The following ALDH1A2 variants were observed in gnomAD, a reference collection of about 807,000 sequenced individuals.
ALDH1A2 encodes the protein retinal dehydrogenase 2.
In ALDH1A2, 27 loss-of-function variants were observed where a neutral mutation model predicts 60.3. That is an observed-to-expected ratio of 0.45 (90% CI 0.33 to 0.62). The LOEUF (loss-of-function observed/expected upper bound fraction) is 0.62. Ranked by LOEUF, ALDH1A2 falls within the 20% of genes least tolerant of loss-of-function variation. ALDH1A2 has a pLI of 0.02. For missense variants in ALDH1A2, 581 were observed against 643.8 expected (o/e 0.90, Z 1.06); for synonymous variants, 289 against 232.4 (o/e 1.24, Z -2.21).
chr15:58,052,771 T>C (rs1896807334), intron 1 of ALDH1A2, among the ~76,000 whole-genome samples: 1 of 152,158 alleles, frequency 6.6e-6, no homozygotes, highest in South Asian at 2.1e-4. Flanking sequence ...TAATGCCCTG[T>C]CCAGTGCCTT....
intron 1 of ALDH1A2, among the ~76,000 whole-genome samples, chr15:58,045,349 A>T (rs1896612529): frequency 6.6e-6 from 1 of 152,086 alleles, no homozygotes; most frequent in African/African-American, 2.4e-5. Flanking sequence ...CTCCTCAAGG[A>T]TCTAGAACTA....
intron 1 of ALDH1A2, among the ~76,000 whole-genome samples, chr15:58,014,805 T>C (rs1309710598): frequency 6.6e-6 from 1 of 152,214 alleles, no homozygotes; most frequent in African/African-American, 2.4e-5. Context: ...AAGTTATATG[T>C]GTAAATCCAA....
At chr15:58,012,987 T>C (rs1895677644) in intron 3 of ALDH1A2, among the ~76,000 whole-genome samples, 1 of 152,224 alleles carries the variant, frequency 6.6e-6, no homozygotes, top group Admixed American at 6.5e-5. Context: ...AAAAAGTTTA[T>C]ATTCTCTAAG....
chr15:58,060,441 C>T (rs1896996551), intron 1 of ALDH1A2, among the ~76,000 whole-genome samples: 1 of 146,472 alleles, frequency 6.8e-6, no homozygotes, highest in African/African-American at 2.5e-5. Context: ...AGTGAAGAAA[C>T]TCTTTAAGAT....
At chr15:57,956,140 C>G (rs1255304072) in intron 12 of ALDH1A2, among the ~76,000 whole-genome samples, 1 of 151,996 alleles carries the variant, frequency 6.6e-6, no homozygotes, top group Non-Finnish European at 1.5e-5. Flanking sequence ...TTGCCTTCCA[C>G]CAAACATAGG....
At chr15:58,050,621 C>T (rs1896750861) in intron 1 of ALDH1A2, among the ~76,000 whole-genome samples, 1 of 152,128 alleles carries the variant, frequency 6.6e-6, no homozygotes, top group Non-Finnish European at 1.5e-5. Flanking sequence ...TAGACTTGCT[C>T]CCTGCACAGG....
chr15:58,048,618 G>C (rs533424665), intron 1 of ALDH1A2, among the ~76,000 whole-genome samples: 3 of 151,924 alleles, frequency 2.0e-5, no homozygotes, highest in Admixed American at 6.6e-5. Context: ...CAGATTAAAG[G>C]GTCCAGGGGA....
At chr15:57,985,192 C>T (rs529123233) in intron 7 of ALDH1A2, among the ~76,000 whole-genome samples, 2 of 152,292 alleles carry the variant, frequency 1.3e-5, no homozygotes, top group African/African-American at 4.8e-5. Flanking sequence ...TGACTCCCAA[C>T]GTTTCTCCCC....
intron 7 of ALDH1A2, among the ~76,000 whole-genome samples, chr15:57,978,965 G>A (rs1195225198): frequency 5.3e-5 from 8 of 152,180 alleles, no homozygotes; most frequent in Admixed American, 2.6e-4. Flanking sequence ...GAGCTCAGGA[G>A]GTGGAGGTGC....
chr15:57,970,719 G>A lies in ALDH1A2; in HGVS notation c.799-4892C>T, dbSNP rs34787844. Among the ~76,000 whole-genome samples the A allele has an allele frequency of 6.6e-3, 999 of 152,074 alleles. 13 individuals are homozygous for A. The highest frequency in any genetic ancestry group is 0.023 in the African/African-American group (946 of 41,484). On this transcript the variant is annotated intron_variant, in intron 7 of 12. Transcript: ENST00000249750. ...CATATCAAGGTAGATTTTTCTCAGC[G>A]ATATAACACCTTTTTAAAAATGGAA...
At chr15:58,057,565 T>C (rs1383063973) in intron 1 of ALDH1A2, among the ~76,000 whole-genome samples, 1 of 152,208 alleles carries the variant, frequency 6.6e-6, no homozygotes, top group African/African-American at 2.4e-5. Context: ...ACTGCTTTAC[T>C]TTTCTGTATG....
In ALDH1A2 at chr15:57,982,965, A is replaced by G. The variant is rs527988408; in HGVS notation, c.798+9740T>C. On this transcript the variant is annotated intron_variant, in intron 7 of 12. Coordinates refer to ENST00000249750, the MANE Select transcript of ALDH1A2 (RefSeq NM_003888.4). ...TCAGACACACACTACCCTTCTCAAC[A>G]TGTCCCATCTGGTATGATTTAGGTT... 1.2e-4 allele frequency among the ~76,000 whole-genome samples: 18 copies of G among 152,146 alleles called. 1 individual carries two copies. In the Middle Eastern group the frequency reaches 0.01, roughly 86 times the overall value.
chr15:57,965,013 GAA>G (rs4646621), intron 8 of ALDH1A2, among the ~76,000 whole-genome samples: 1 of 143,756 alleles, frequency 7.0e-6, no homozygotes, highest in Non-Finnish European at 1.5e-5. Context: ...CAAGTGGAGG[GAA>G]AAAAAAAAAA....
chr15:58,061,610 C>CAAAAAAAAAAAAAAAAAA (rs1216992550), intron 1 of ALDH1A2, among the ~76,000 whole-genome samples: 1 of 100,330 alleles, frequency 1.0e-5, no homozygotes, highest in Non-Finnish European at 2.1e-5. Context: ...AAAAAAAAAA[C>CAAAAAAAAAAAAAAAAAA]AAAAAAAAAA....
At chr15:58,051,060 A>T (rs568850281) in intron 1 of ALDH1A2, among the ~76,000 whole-genome samples, 2 of 152,186 alleles carry the variant, frequency 1.3e-5, no homozygotes, top group African/African-American at 4.8e-5. Flanking sequence ...ATCTGTTGAT[A>T]TAAGTAGTTA....
intron 1 of ALDH1A2, among the ~76,000 whole-genome samples, chr15:58,062,440 G>A (rs1206667501): frequency 6.6e-6 from 1 of 152,184 alleles, no homozygotes; most frequent in South Asian, 2.1e-4. Flanking sequence ...CTGCAGTCAG[G>A]GGCGGTCAGT....
chr15:57,975,261 A>G (rs958335591), intron 7 of ALDH1A2, among the ~76,000 whole-genome samples: 1 of 152,236 alleles, frequency 6.6e-6, no homozygotes, highest in Non-Finnish European at 1.5e-5. Flanking sequence ...ATGTTCATAG[A>G]AGCTTTTATT....
At chr15:58,048,998 A>G (rs1896707209) in intron 1 of ALDH1A2, among the ~76,000 whole-genome samples, 1 of 151,724 alleles carries the variant, frequency 6.6e-6, no homozygotes, top group African/African-American at 2.4e-5. Context: ...CTCACATTCC[A>G]AACAACCACT....
chr15:57,969,043 C>T (rs1893981953), intron 7 of ALDH1A2, among the ~76,000 whole-genome samples: 3 of 152,230 alleles, frequency 2.0e-5, no homozygotes. Flanking sequence ...CTTTCCCCTT[C>T]ATCTTTGGAA....
Sources: gnomAD v4.1 joint callset for allele counts (sites outside exome capture counted in the v4.1 genomes callset) on GRCh38, gnomAD v4.1.1 for gene constraint, MANE v1.5 for transcripts, NCBI Gene and HGNC (gene_info 2026-07-23, HGNC 2026-07-21) for gene names.